DNAH3: variants seen among roughly 807,000 people sequenced by gnomAD.
DNAH3 encodes the protein axonemal beta dynein heavy chain 3.
DNAH3 carries 332 observed loss-of-function variants against 432.5 expected under a neutral mutation model. The ratio of observed to expected loss-of-function variants is 0.77; its 90% CI spans 0.70 to 0.84. DNAH3 has a LOEUF of 0.84. Ranked by LOEUF, DNAH3 falls within the 40% of genes least tolerant of loss-of-function variation. DNAH3 has a pLI of 0.00. For synonymous variants in DNAH3, 1,956 were observed against 1,900.2 expected, an observed-to-expected ratio of 1.03 and a Z score of -0.76; for missense variants, 4,861 against 5,114.0, an observed-to-expected ratio of 0.95 and a Z score of 1.51.
At chr16:21,042,661 G>A (rs554581391) in intron 31 of DNAH3, among the ~76,000 whole-genome samples, 75 of 151,836 alleles carry the variant, frequency 4.9e-4, no homozygotes, top group African/African-American at 1.8e-3. Flanking sequence ...AGTCTAGACA[G>A]CAAGATCTTT....
At chr16:20,980,255 ATATAT>A (rs71832154) in intron 49 of DNAH3, among the ~76,000 whole-genome samples, 11,305 of 94,602 alleles carry the variant, frequency 0.12, 736 homozygotes, top group South Asian at 0.29. Flanking sequence ...AATATACATC[ATATAT>A]TATATTATAA....
chr16:21,133,361 C>CAAA (rs34385925), intron 7 of DNAH3, among the ~76,000 whole-genome samples: 114 of 70,154 alleles, frequency 1.6e-3, no homozygotes, highest in African/African-American at 4.8e-3. Context: ...AGATTCGTCT[C>CAAA]AAAAAAAAAA....
chr16:20,959,468 TA>T (rs1424104984), intron 53 of DNAH3, 64 bp from the exon 54 acceptor site: 1 of 1,498,536 alleles, frequency 6.7e-7, no homozygotes, highest in Non-Finnish European at 9.2e-7. Flanking sequence ...ACAGAACAGC[TA>T]TATCAACAAT....
At chr16:21,123,797 C>CT (rs572896955) in intron 9 of DNAH3, among the ~76,000 whole-genome samples, 92 of 145,526 alleles carry the variant, frequency 6.3e-4, no homozygotes, top group Admixed American at 1.5e-3. Flanking sequence ...AGTTTTCTCT[C>CT]TTTTTTTTTT....
chr16:20,946,626 C>A (rs1217216431), intron 57 of DNAH3, among the ~76,000 whole-genome samples: 2 of 152,014 alleles, frequency 1.3e-5, no homozygotes, highest in East Asian at 1.9e-4. Flanking sequence ...ACATATATAT[C>A]TACTGGTTTT....
At chr16:20,937,718 G>T (rs542254217) in intron 59 of DNAH3, among the ~76,000 whole-genome samples, 12 of 151,486 alleles carry the variant, frequency 7.9e-5, no homozygotes, top group Non-Finnish European at 1.2e-4. Context: ...TAGAGACAAG[G>T]TCTCCCTATG....
chr16:21,033,845 T>C (rs1175300196), intron 36 of DNAH3, 129 bp downstream of exon 36: 9 of 602,786 alleles, frequency 1.5e-5, no homozygotes, highest in Non-Finnish European at 2.3e-5. Context: ...CTGTGTGCCA[T>C]GTTCTATTTC....
At chr16:20,969,706 A>C in intron 52 of DNAH3, 86 bp downstream of exon 52, 22 of 1,402,728 alleles carry the variant, frequency 1.6e-5, no homozygotes, top group South Asian at 2.3e-5. Context: ...GCACGCCTGC[A>C]GTCGACTTGG....
At chr16:21,136,501 A>G (rs778226808) in exon 6 of DNAH3, 1 of 1,614,156 alleles carries the variant, frequency 6.2e-7, no homozygotes, top group South Asian at 1.1e-5. Context: ...TTGGTCAGAT[A>G]GTAATAGTAT....
intron 54 of DNAH3, among the ~76,000 whole-genome samples, chr16:20,958,398 A>G (rs572981952): frequency 6.6e-6 from 1 of 152,206 alleles, no homozygotes; most frequent in Admixed American, 6.5e-5. Context: ...ACAAATAATA[A>G]TTTTTAAAAA....
intron 6 of DNAH3, among the ~76,000 whole-genome samples, chr16:21,135,705 C>T (rs1055844389): frequency 2.7e-5 from 4 of 150,514 alleles, no homozygotes; most frequent in Non-Finnish European, 4.4e-5. Context: ...TCAGCCTGGG[C>T]GACAGAGCAA....
rs779104840 is a variant in DNAH3 at position 20,985,030 on chromosome 16, G to T, written c.7665+47C>A. 7 of 1,565,282 alleles carry T rather than the reference G, an allele frequency of 4.5e-6. No individual in the cohort carries two copies. In the East Asian group the frequency reaches 1.1e-4, roughly 25 times the overall value. ...AACACCCAGAAGAACAAGGGCAAAT[G>T]GAGTTTTCTTCTTCTTACCGAGGAC... is the stretch of plus-strand genomic sequence containing the variant. On this transcript the variant is annotated intron_variant, in intron 48 of 61. Coordinates refer to ENST00000261383, the Ensembl canonical transcript of DNAH3.
intron 5 of DNAH3, among the ~76,000 whole-genome samples, chr16:21,140,005 G>A (rs2092698258): frequency 6.7e-6 from 1 of 150,372 alleles, no homozygotes; most frequent in South Asian, 2.1e-4. Context: ...GGCTGGTTTT[G>A]AACTCCTGAC....
In DNAH3 at chr16:21,148,043, T is replaced by C. The variant is rs181962754; in HGVS notation, c.118-1955A>G. Among the ~76,000 whole-genome samples the C allele has an allele frequency of 1.6e-3, 251 of 152,288 alleles. 4 individuals are homozygous for C. The highest frequency in any genetic ancestry group is 1.4e-3 in the Non-Finnish European group (95 of 68,022). ...GCATTGACTTTGGACTTAACTCCTA[T>C]ATAAGATGAGCCAACATCGTATCAG... is the stretch of plus-strand genomic sequence containing the variant. On this transcript the variant is annotated intron_variant, in intron 1 of 61. Transcript: ENST00000261383.
chr16:21,100,169 T>A (rs989766265), intron 16 of DNAH3, among the ~76,000 whole-genome samples: 3 of 152,164 alleles, frequency 2.0e-5, no homozygotes, highest in African/African-American at 7.2e-5. Context: ...CCTCCCAGTT[T>A]TAAGTGATTC....
At chr16:21,136,267 A>ATAAAAT in intron 6 of DNAH3, 57 bp downstream of exon 7, 1 of 1,498,890 alleles carries the variant, frequency 6.7e-7, no homozygotes, top group Non-Finnish European at 9.2e-7. Flanking sequence ...AAAAATAAAA[A>ATAAAAT]AGAAGGTGCC....
chr16:21,060,108 G>C (rs1449230036), intron 26 of DNAH3, among the ~76,000 whole-genome samples, 156 bp downstream of exon 26: 1 of 152,112 alleles, frequency 6.6e-6, no homozygotes, highest in Non-Finnish European at 1.5e-5. Flanking sequence ...TAGGTTCATT[G>C]CCCCAGGGTT....
exon 46 of DNAH3, chr16:20,987,749 G>A (rs1352915577): frequency 4.3e-6 from 7 of 1,613,998 alleles, no homozygotes; most frequent in East Asian, 2.2e-5. Flanking sequence ...GAGAAGTCCC[G>A]CAGGTTAAAG....
At chr16:21,142,527 G>A (rs2092733518) in intron 3 of DNAH3, among the ~76,000 whole-genome samples, 1 of 151,852 alleles carries the variant, frequency 6.6e-6, no homozygotes, top group Admixed American at 6.6e-5. Context: ...TAAATAGAAG[G>A]TAGCTACAAT....
Sources: allele counts gnomAD v4.1 joint callset (sites outside exome capture counted in the v4.1 genomes callset), GRCh38; gene constraint gnomAD v4.1.1; transcripts MANE v1.5; gene names NCBI Gene and HGNC (gene_info 2026-07-23, HGNC 2026-07-21).